CEP78: variants seen among roughly 807,000 people sequenced by gnomAD.
The protein encoded by CEP78 is centrosomal protein 78.
A neutral mutation model predicts 81.2 loss-of-function variants in CEP78; 76 were observed. That is an observed-to-expected ratio of 0.94 (90% CI 0.78 to 1.13). CEP78 has a LOEUF of 1.13. CEP78 is among the 50% of genes most tolerant of loss of function. CEP78 has a pLI of 0.00. For synonymous variants in CEP78, 293 were observed against 301.4 expected, an observed-to-expected ratio of 0.97 and a Z score of 0.29; for missense variants, 918 against 846.8, an observed-to-expected ratio of 1.08 and a Z score of -1.04.
Position 78,262,890 on chromosome 9 carries a change from T to C in CEP78, c.1381-17T>C. 1 of 1,411,314 alleles carries C rather than the reference T, an allele frequency of 7.1e-7. No homozygotes were observed. The highest frequency in any genetic ancestry group is 9.7e-7 in the Non-Finnish European group (1 of 1,033,746). 87.4% of individuals were successfully genotyped at this position (1,411,314 alleles called of 1,614,324 possible). ...TTGGGAATTAATTATAATATTTACT[T>C]TATTACTTAATACTAGGAAAAACTG... On this transcript the variant is annotated splice_polypyrimidine_tract_variant and intron_variant, in intron 11 of 16. Coordinates refer to ENST00000643273, the MANE Select transcript of CEP78 (RefSeq NM_001330691.3).
chr9:78,260,096 A>G (rs1462370537), intron 11 of CEP78, among the ~76,000 whole-genome samples: 1 of 152,236 alleles, frequency 6.6e-6, no homozygotes, highest in Non-Finnish European at 1.5e-5. Flanking sequence ...AGGTAAGTCA[A>G]CAGAGTAGAG....
intron 3 of CEP78, among the ~76,000 whole-genome samples, chr9:78,240,850 C>T (rs982506790): frequency 1.3e-5 from 2 of 151,852 alleles, no homozygotes; most frequent in Non-Finnish European, 2.9e-5. Flanking sequence ...ATAGTCCCAG[C>T]CACTCAGGAG....
intron 13 of CEP78, 26 bp downstream of exon 13, chr9:78,264,342 T>A (rs1339913453): frequency 6.2e-7 from 1 of 1,605,998 alleles, no homozygotes; most frequent in African/African-American, 1.3e-5. Context: ...CCTATGACAT[T>A]CGTCCCTCCA....
At position 78,273,736 on chromosome 9, in the gene CEP78, A is replaced by T. The variant is rs1454350769; in HGVS notation, c.*2885A>T. ...CACTCCAGCCTGGGCCATAGAGGAG[A>T]CTCCGTCTCAAACAAACAAAAACCT... On this transcript the variant is annotated 3_prime_UTR_variant, in exon 17 of 17. Coordinates refer to ENST00000643273, the MANE Select transcript of CEP78 (RefSeq NM_001330691.3). The T allele has an allele frequency of 6.6e-6, 1 of 152,182 alleles. No homozygotes were observed. Among genetic ancestry groups the T allele is most frequent in the Non-Finnish European group, 1.5e-5 (1 of 68,050 alleles). 9.4% of individuals were successfully genotyped at this position (152,182 alleles called of 1,614,324 possible).
chr9:78,239,649 T>C (rs951434008), intron 1 of CEP78, among the ~76,000 whole-genome samples: 1 of 152,210 alleles, frequency 6.6e-6, no homozygotes, highest in Non-Finnish European at 1.5e-5. Flanking sequence ...CTCTTCCGGC[T>C]ACGGCTCTGG....
At chr9:78,270,159 G>A (rs982765415) in intron 16 of CEP78, among the ~76,000 whole-genome samples, 1 of 152,134 alleles carries the variant, frequency 6.6e-6, no homozygotes, top group African/African-American at 2.4e-5. Context: ...AGACAAAAAT[G>A]GGAAGAGTTA....
intron 6 of CEP78, 22 bp downstream of exon 6, chr9:78,246,804 T>C (rs1391581930): frequency 7.5e-7 from 1 of 1,329,478 alleles, no homozygotes. Context: ...CAATATTTTT[T>C]ATTGACTAAC....
In CEP78 at chr9:78,272,634, T is replaced by A. The variant is rs989480898; in HGVS notation, c.*1783T>A. ...GATTGAAAAAATATATTAAAATATA[T>A]ATAAAGTTAAGGGTATGTTAGTAAG... On this transcript the variant is annotated 3_prime_UTR_variant, in exon 17 of 17. Transcript: ENST00000643273. The A allele has an allele frequency of 6.6e-6, 1 of 152,168 alleles. No homozygotes were observed. The highest frequency in any genetic ancestry group is 1.5e-5 in the Non-Finnish European group (1 of 68,036). The allele number at this position is 152,168 out of a possible 1,614,324, so 9.4% of individuals were successfully genotyped here. A position where few individuals can be genotyped will look rare whatever the true frequency, so the allele number is the denominator to read the frequency against.
intron 4 of CEP78, 47 bp from the exon 5 acceptor site, chr9:78,243,415 A>G (rs1202845570): frequency 1.3e-6 from 2 of 1,522,720 alleles, no homozygotes; most frequent in Non-Finnish European, 1.8e-6. Context: ...TAGTGTTCCT[A>G]TCTCTTTATC....
At chr9:78,251,190 G>C (rs1206033403) in intron 8 of CEP78, among the ~76,000 whole-genome samples, 1 of 152,072 alleles carries the variant, frequency 6.6e-6, no homozygotes, top group East Asian at 1.9e-4. Flanking sequence ...TGTAGGATAA[G>C]ACTTTATACT....
intron 16 of CEP78, among the ~76,000 whole-genome samples, chr9:78,267,409 GGCCAGAA>G (rs556631469): frequency 3.5e-4 from 54 of 152,294 alleles, no homozygotes; most frequent in African/African-American, 1.2e-3. Flanking sequence ...TATATCACAT[GGCCAGAA>G]GCCATTGACA....
chr9:78,250,197 T>G (rs1826688793), intron 8 of CEP78: 1 of 398,012 alleles, frequency 2.5e-6, no homozygotes. Flanking sequence ...CTCACTGAGC[T>G]ATTTTAAGAG....
chr9:78,236,596 G>A lies in CEP78; in HGVS notation c.246G>A (p.Gly82=), dbSNP rs1282673695. ...SIKSFFQPWL[G]DTGSDMNKFC... is the part of the protein sequence containing the mutation. ...AGAGCTTCTTCCAGCCCTGGCTGGG[G>A]GACACAGGTTTGTAGTTCCCGCCTC... Residue 82 remains glycine, a synonymous_variant, in exon 1 of 17, where the codon GGG becomes GGA. Coordinates refer to ENST00000643273, the MANE Select transcript of CEP78 (RefSeq NM_001330691.3). The A allele has an allele frequency of 3.9e-6, 6 of 1,539,034 alleles. No individual in the cohort carries two copies. In the South Asian group the frequency reaches 6.4e-5, roughly 16 times the overall value.
chr9:78,236,902 T>C (rs996517445), intron 1 of CEP78, among the ~76,000 whole-genome samples: 19 of 151,714 alleles, frequency 1.3e-4, no homozygotes, highest in Non-Finnish European at 5.9e-5. Flanking sequence ...ACCTATTTTA[T>C]TGAATGACTT....
intron 4 of CEP78, among the ~76,000 whole-genome samples, chr9:78,242,708 T>C (rs1337218138): frequency 1.3e-5 from 2 of 152,192 alleles, no homozygotes; most frequent in African/African-American, 2.4e-5. Context: ...TGTTTCAGAA[T>C]GTAATGAGAT....
In CEP78 at chr9:78,253,243, TAATC is replaced by T. The variant is rs1177076852; in HGVS notation, c.1220_1223del (p.Ile407LysfsTer16). On this transcript the variant is annotated frameshift_variant, in exon 10 of 17. Coordinates refer to ENST00000643273, the MANE Select transcript of CEP78 (RefSeq NM_001330691.3). LOFTEE classifies it high-confidence loss of function. ...CGATATCTTTTTAGGGGTTTCCCATTAATCAAAACACGTGATATATGTAATCAGT... is the reference window on the plus strand; with the variant it reads ...CGATATCTTTTTAGGGGTTTCCCATTAAAACACGTGATATATGTAATCAGT... 7.3e-7 allele frequency: 1 copy of T among 1,363,122 alleles called. No individual in the cohort carries two copies. The highest frequency in any genetic ancestry group is 1.0e-6 in the Non-Finnish European group (1 of 965,732). 84.4% of individuals were successfully genotyped at this position (1,363,122 alleles called of 1,614,324 possible).
chr9:78,260,949 TTTTG>T lies in CEP78; in HGVS notation c.1381-1942_1381-1939del, dbSNP rs527881115. Reference sequence around the variant, plus strand: ...AACTTTTGCGTTGGAGAATACTTGTTTTTGTTTGTTTGTTTGTTTTGAGATGGAG... The same window carrying T: ...AACTTTTGCGTTGGAGAATACTTGTTTTTGTTTGTTTGTTTTGAGATGGAG... On this transcript the variant is annotated intron_variant, in intron 11 of 16. Coordinates refer to ENST00000643273, the MANE Select transcript of CEP78 (RefSeq NM_001330691.3). Among the ~76,000 whole-genome samples, 1,013 of 151,834 alleles carry T rather than the reference TTTTG, an allele frequency of 6.7e-3. 22 individuals are homozygous for T. The highest frequency in any genetic ancestry group is 0.023 in the African/African-American group (941 of 41,404).
At chr9:78,256,294 C>T (rs1827021228) in intron 11 of CEP78, among the ~76,000 whole-genome samples, 1 of 152,088 alleles carries the variant, frequency 6.6e-6, no homozygotes, top group East Asian at 1.9e-4. Flanking sequence ...GGAGGGAGCT[C>T]CTTGACAGTT....
intron 11 of CEP78, among the ~76,000 whole-genome samples, chr9:78,257,337 T>C (rs1827084312): frequency 6.6e-6 from 1 of 152,320 alleles, no homozygotes; most frequent in Non-Finnish European, 1.5e-5. Context: ...GAGATTCCCA[T>C]CCAGCCAAAC....
Sources: gnomAD v4.1 joint callset for allele counts (sites outside exome capture counted in the v4.1 genomes callset) on GRCh38, gnomAD v4.1.1 for gene constraint, MANE v1.5 for transcripts, NCBI Gene and HGNC (gene_info 2026-07-23, HGNC 2026-07-21) for gene names.